SLC2A9: variants seen among roughly 807,000 people sequenced by gnomAD.
SLC2A9 encodes solute carrier family 2 member 9.
A neutral mutation model predicts 50.6 loss-of-function variants in SLC2A9; 39 were observed. That is an observed-to-expected ratio of 0.77 (90% CI 0.60 to 1.01). SLC2A9 has a LOEUF of 1.01. Ranked by LOEUF, SLC2A9 falls within the 50% of genes least tolerant of loss-of-function variation. The pLI, the probability that SLC2A9 is intolerant of heterozygous loss-of-function variation, is 0.00. For missense variants in SLC2A9, 686 were observed against 677.6 expected (o/e 1.01, Z -0.14); for synonymous variants, 324 against 276.9 (o/e 1.17, Z -1.69).
chr4:9,904,178 C>T (rs1274772670), intron 8 of SLC2A9, among the ~76,000 whole-genome samples: 1 of 152,076 alleles, frequency 6.6e-6, no homozygotes, highest in Non-Finnish European at 1.5e-5. Context: ...ACCACAGACT[C>T]AGTGGCTTAA....
intron 4 of SLC2A9, among the ~76,000 whole-genome samples, chr4:9,982,282 C>A (rs763454937): frequency 2.6e-5 from 4 of 152,222 alleles, no homozygotes; most frequent in Non-Finnish European, 5.9e-5. Flanking sequence ...CCCTCGAGTT[C>A]TTCTCTCTGC....
chr4:9,981,894 T>C (rs1271527841), intron 4 of SLC2A9, among the ~76,000 whole-genome samples: 1 of 152,024 alleles, frequency 6.6e-6, no homozygotes, highest in Non-Finnish European at 1.5e-5. Context: ...TTTTTTTTTT[T>C]TTCCAAGATG....
At chr4:9,970,852 A>AGTTT (rs1277714079) in intron 5 of SLC2A9, among the ~76,000 whole-genome samples, 1 of 152,202 alleles carries the variant, frequency 6.6e-6, no homozygotes, top group East Asian at 1.9e-4. Context: ...TGCCTGGCCT[A>AGTTT]AACCTAGTAG....
intron 3 of SLC2A9, among the ~76,000 whole-genome samples, chr4:9,986,970 G>C (rs1161178003): frequency 6.6e-6 from 1 of 151,904 alleles, no homozygotes; most frequent in Non-Finnish European, 1.5e-5. Flanking sequence ...CACATTTATT[G>C]AACTCTTGCT....
rs191223205 is a variant in SLC2A9, at chr4:9,804,249, G to A, written n.421-5008C>T. Among the ~76,000 whole-genome samples the A allele has an allele frequency of 2.8e-4, 43 of 152,316 alleles. 2 individuals carry two copies. In the South Asian group the frequency reaches 5.8e-3, roughly 21 times the overall value. ...CTGGGTGAATAGGGATTTGCTGAGT[G>A]GACTCAGGAGCCATGAACTTTTATG... On this transcript the variant is annotated intron_variant and non_coding_transcript_variant, in intron 3 of 3. Coordinates refer to the SLC2A9 transcript ENST00000503280.
intron 3 of SLC2A9, among the ~76,000 whole-genome samples, chr4:9,788,088 A>G (rs1719452061): frequency 1.3e-5 from 2 of 152,216 alleles, no homozygotes; most frequent in Admixed American, 6.5e-5. Flanking sequence ...TTTTAAAAAA[A>G]ATTCCATAAT....
Position 10,019,173 on chromosome 4 carries a change from G to A in SLC2A9, c.151-100C>T, listed in dbSNP as rs1452506501. ...CCTCAGCTGGGGGAGGCCTTCCGGA[G>A]GAGAAGTCTTTGTCCTTGGCTGGGG... On this transcript the variant is annotated intron_variant, in intron 1 of 11. Transcript: ENST00000264784. 4.2e-6 allele frequency: 4 copies of A among 961,082 alleles called. No homozygotes were observed. In the African/African-American group the frequency reaches 6.5e-5, roughly 16 times the overall value. The allele number at this position is 961,082 out of a possible 1,614,324, so 59.5% of individuals were successfully genotyped here.
At chr4:9,885,233 C>T (rs1264378999) in intron 10 of SLC2A9, among the ~76,000 whole-genome samples, 1 of 152,274 alleles carries the variant, frequency 6.6e-6, no homozygotes, top group East Asian at 1.9e-4. Flanking sequence ...TATCTTCCTC[C>T]TGCCTACCCC....
intron 1 of SLC2A9, among the ~76,000 whole-genome samples, chr4:10,026,875 C>G: frequency 6.6e-6 from 1 of 152,132 alleles, no homozygotes; most frequent in East Asian, 1.9e-4. Flanking sequence ...GAAACCCTGT[C>G]TCTACTAAAA....
intron 8 of SLC2A9, among the ~76,000 whole-genome samples, chr4:9,892,457 G>A (rs1707996373): frequency 6.6e-6 from 1 of 152,172 alleles, no homozygotes. Context: ...CTAGAAACCT[G>A]GCCCAGTGGA....
At chr4:10,030,007 T>C (rs1201673499) in intron 1 of SLC2A9, among the ~76,000 whole-genome samples, 1 of 152,146 alleles carries the variant, frequency 6.6e-6, no homozygotes, top group Non-Finnish European at 1.5e-5. Context: ...ATCACTATCT[T>C]AAGTAATGAT....
chr4:9,956,995 C>T lies in SLC2A9; in HGVS notation c.682-14950G>A, dbSNP rs182701836. Among the ~76,000 whole-genome samples the T allele has an allele frequency of 1.1e-4, 16 of 152,182 alleles. No individual in the cohort carries two copies. The East Asian group carries it at 2.5e-3, about 24-fold the overall frequency. On this transcript the variant is annotated intron_variant, in intron 5 of 11. Transcript: ENST00000264784. ...TGGGGGCACTGAAGGGAAGTGAAGACATTTGCCCCAAAGACCCCTGGTGGC... is the reference window on the plus strand; with the variant it reads ...TGGGGGCACTGAAGGGAAGTGAAGATATTTGCCCCAAAGACCCCTGGTGGC...
At chr4:9,787,994 T>G (rs1480102487) in intron 3 of SLC2A9, among the ~76,000 whole-genome samples, 1 of 152,218 alleles carries the variant, frequency 6.6e-6, no homozygotes, top group African/African-American at 2.4e-5. Flanking sequence ...TATCCTATTA[T>G]TTCTCAAACT....
At chr4:9,883,132 TACAC>T (rs56300042) in intron 10 of SLC2A9, among the ~76,000 whole-genome samples, 25 of 149,508 alleles carry the variant, frequency 1.7e-4, no homozygotes, top group African/African-American at 5.4e-4. Flanking sequence ...GCAAGCTATC[TACAC>T]ACACACACAC....
At position 9,941,891 on chromosome 4, in the gene SLC2A9, C is replaced by A. The variant is rs1019118150; in HGVS notation, c.814+22G>T. 4 of 1,613,670 alleles carry A rather than the reference C, an allele frequency of 2.5e-6. No homozygotes were observed. The Admixed American group carries it at 5.0e-5, about 20-fold the overall frequency. On this transcript the variant is annotated intron_variant, in intron 6 of 11. Coordinates refer to ENST00000264784, the MANE Select transcript of SLC2A9 (RefSeq NM_020041.3). ...GATCTATGCAGGGGCTGGAGCTGTGCAGGAAAGGGAAGGGCCCTCACCTTT... is the reference window on the plus strand; with the variant it reads ...GATCTATGCAGGGGCTGGAGCTGTGAAGGAAAGGGAAGGGCCCTCACCTTT...
chr4:9,780,252 C>T (rs1718150538), intron 3 of SLC2A9, among the ~76,000 whole-genome samples: 1 of 152,104 alleles, frequency 6.6e-6, no homozygotes, highest in Non-Finnish European at 1.5e-5. Flanking sequence ...AGACTGGAGG[C>T]CAGGAAAGTG....
In SLC2A9 at chr4:9,918,600, C is replaced by T. The variant is rs551549897; in HGVS notation, c.1002+1785G>A. 5.9e-5 allele frequency among the ~76,000 whole-genome samples: 9 copies of T among 152,316 alleles called. No homozygotes were observed. In the East Asian group the frequency reaches 1.2e-3, roughly 20 times the overall value. The stretch of plus-strand genomic sequence containing the variant: ...CTTTATGTCTTTAGGCCTAACAGTG[C>T]GGCCTAACTCACAGGGCAGCCATGG... On this transcript the variant is annotated intron_variant, in intron 7 of 11. Coordinates refer to ENST00000264784, the MANE Select transcript of SLC2A9 (RefSeq NM_020041.3).
chr4:9,985,762 C>A lies in SLC2A9; in HGVS notation c.442G>T (p.Ala148Ser). 6.2e-7 allele frequency: 1 copy of A among 1,614,026 alleles called. No individual in the cohort carries two copies. Among genetic ancestry groups the A allele is most frequent in the East Asian group, 2.2e-5 (1 of 44,892 alleles). The change falls in exon 4 of 12, where the codon GCA becomes TCA. Residue 148 changes from alanine to serine, a missense_variant. Coordinates refer to ENST00000264784, the MANE Select transcript of SLC2A9 (RefSeq NM_020041.3). ...GCCATCAGCAATGCAGCAGAAATTG[C>A]AAACCCATTATTGGCCAGCAAAGTG... ...KHTLLANNGFAISAALLMACS... is the reference protein window; with the variant it reads ...KHTLLANNGFSISAALLMACS...
intron 10 of SLC2A9, among the ~76,000 whole-genome samples, chr4:9,846,991 T>G (rs1205378410): frequency 6.6e-6 from 1 of 152,240 alleles, no homozygotes; most frequent in Non-Finnish European, 1.5e-5. Context: ...ACTTCCAAGC[T>G]GTGTAACCAC....
Sources: gnomAD v4.1 joint callset for allele counts (sites outside exome capture counted in the v4.1 genomes callset) on GRCh38, gnomAD v4.1.1 for gene constraint, MANE v1.5 for transcripts, NCBI Gene and HGNC (gene_info 2026-07-23, HGNC 2026-07-21) for gene names.